PTGER3: variants seen among roughly 807,000 people sequenced by gnomAD.
PTGER3 encodes prostaglandin E2 receptor EP3 subtype.
PTGER3 carries 22 observed loss-of-function variants against 34.7 expected under a neutral mutation model. The observed-to-expected ratio is 0.63, with a 90% confidence interval of 0.45 to 0.91. PTGER3 has a LOEUF of 0.91. PTGER3 is among the 40% of genes least tolerant of loss of function. The pLI, the probability that PTGER3 is intolerant of heterozygous loss-of-function variation, is 0.00. For missense variants in PTGER3, 468 were observed against 519.4 expected (o/e 0.90, Z 0.96); for synonymous variants, 241 against 230.1 (o/e 1.05, Z -0.43).
At chr1:70,972,273 A>G (rs1572809885) in intron 3 of PTGER3, among the ~76,000 whole-genome samples, 1 of 152,268 alleles carries the variant, frequency 6.6e-6, no homozygotes, top group South Asian at 2.1e-4. Flanking sequence ...CAGTGAGCCG[A>G]GATCATGCCA....
downstream of PTGER3, chr1:70,951,578 G>T (rs1245564259): frequency 1.3e-5 from 2 of 152,310 alleles, no homozygotes; most frequent in East Asian, 3.9e-4. Context: ...GAAGGAGATT[G>T]ATTGGGCAGC....
Position 70,868,463 on chromosome 1 carries a change from G to A in PTGER3, c.*24-15604C>T, listed in dbSNP as rs75422957. ...TGTTTATTATTTACAAGCTCACACT[G>A]AGTTCTCCTGGAGGTGGGCACAAAG... On this transcript the variant is annotated intron_variant, in intron 4 of 4. Coordinates refer to the PTGER3 transcript ENST00000370931. Among the ~76,000 whole-genome samples, 59 of 152,266 alleles carry A rather than the reference G, an allele frequency of 3.9e-4. 1 individual carries two copies. In the East Asian group the frequency reaches 0.011, roughly 27 times the overall value.
intron 2 of PTGER3, chr1:71,008,262 A>C: frequency 1.1e-6 from 1 of 917,708 alleles, no homozygotes; most frequent in South Asian, 5.0e-5. Flanking sequence ...TTCTGAAAAT[A>C]AGATAATTTT....
At chr1:70,964,698 T>G (rs1652326240) in intron 2 of PTGER3, among the ~76,000 whole-genome samples, 1 of 152,164 alleles carries the variant, frequency 6.6e-6, no homozygotes, top group South Asian at 2.1e-4. Context: ...CCAAACCATA[T>G]CAAGCGGTTA....
intron 1 of PTGER3, among the ~76,000 whole-genome samples, chr1:71,024,559 G>T (rs1658711762): frequency 6.6e-6 from 1 of 151,608 alleles, no homozygotes; most frequent in African/African-American, 2.4e-5. Flanking sequence ...GAGAGCAAGG[G>T]TATAGTGCAT....
chr1:70,905,281 G>T (rs1342865249), intron 4 of PTGER3, among the ~76,000 whole-genome samples: 4 of 152,078 alleles, frequency 2.6e-5, no homozygotes, highest in African/African-American at 9.7e-5. Flanking sequence ...GAAACGTGGG[G>T]TCAGAGCACC....
intron 2 of PTGER3, among the ~76,000 whole-genome samples, chr1:70,963,735 G>T (rs565479030): frequency 9.9e-5 from 15 of 152,230 alleles, no homozygotes; most frequent in African/African-American, 2.9e-4. Context: ...TACCAGGAAG[G>T]TCTCCAACAT....
chr1:70,956,526 A>G (rs1198712349), intron 2 of PTGER3, among the ~76,000 whole-genome samples: 1 of 152,186 alleles, frequency 6.6e-6, no homozygotes, highest in Admixed American at 6.5e-5. Flanking sequence ...TTTTACTGGC[A>G]CAACGTAAAG....
intron 2 of PTGER3, among the ~76,000 whole-genome samples, chr1:70,958,918 A>G (rs1041197932): frequency 3.3e-5 from 5 of 152,154 alleles, no homozygotes; most frequent in Admixed American, 1.3e-4. Context: ...TTTCAGCACC[A>G]TTTATTGAAG....
intron 4 of PTGER3, among the ~76,000 whole-genome samples, chr1:70,870,130 C>G (rs934237434): frequency 6.6e-6 from 1 of 152,172 alleles, no homozygotes; most frequent in Non-Finnish European, 1.5e-5. Flanking sequence ...CACTCTTGCA[C>G]TCTGTATACC....
exon 4 of PTGER3, chr1:70,952,815 G>T: frequency 2.1e-6 from 3 of 1,411,376 alleles, no homozygotes; most frequent in Non-Finnish European, 2.8e-6. Flanking sequence ...CACATGGAAA[G>T]TGCTCAAAAT....
chr1:70,960,175 A>G (rs1360227727), intron 2 of PTGER3, among the ~76,000 whole-genome samples: 2 of 152,132 alleles, frequency 1.3e-5, no homozygotes, highest in Non-Finnish European at 2.9e-5. Flanking sequence ...TTGATCCTGG[A>G]CTTCCAGCCT....
intron 4 of PTGER3, among the ~76,000 whole-genome samples, chr1:70,863,773 A>G (rs17131465): frequency 0.16 from 24,320 of 152,068 alleles, 2,431 homozygotes; most frequent in African/African-American, 0.29. Context: ...GAACGAAGGT[A>G]GAAAGGTAGG....
downstream of PTGER3, among the ~76,000 whole-genome samples, chr1:70,966,740 G>T (rs745912115): frequency 6.6e-6 from 1 of 152,046 alleles, no homozygotes; most frequent in African/African-American, 2.4e-5. Context: ...GAGGATGGTG[G>T]CTTCCAGCTT....
At chr1:71,007,070 A>G in intron 2 of PTGER3, 1 of 985,158 alleles carries the variant, frequency 1.0e-6, no homozygotes, top group Non-Finnish European at 1.2e-6. Context: ...ACTACCCATA[A>G]AACTTTACAT....
At chr1:71,022,557 A>G (rs980207777) in intron 1 of PTGER3, among the ~76,000 whole-genome samples, 1 of 151,890 alleles carries the variant, frequency 6.6e-6, no homozygotes, top group African/African-American at 2.4e-5. Context: ...TTTTAAATCT[A>G]TTAAGACTTC....
At chr1:70,981,367 CTTTCTTTCTTTCTTTCT>C (rs1654309920) in intron 2 of PTGER3, among the ~76,000 whole-genome samples, 3 of 99,214 alleles carry the variant, frequency 3.0e-5, no homozygotes, top group Non-Finnish European at 6.0e-5. Flanking sequence ...TTCTTTCTTT[CTTTCTTTCTTTCTTTCT>C]TTCTTTCTTT....
At chr1:70,990,465 CATAT>C (rs909362136) in intron 2 of PTGER3, among the ~76,000 whole-genome samples, 1 of 146,182 alleles carries the variant, frequency 6.8e-6, no homozygotes, top group Non-Finnish European at 1.5e-5. Flanking sequence ...ATATATTATA[CATAT>C]ATATACACAT....
At chr1:70,927,528 C>G (rs1572670651) in intron 4 of PTGER3, among the ~76,000 whole-genome samples, 1 of 152,208 alleles carries the variant, frequency 6.6e-6, no homozygotes, top group East Asian at 1.9e-4. Flanking sequence ...AACTACATAA[C>G]ATAAAAATGA....
Sources: allele counts gnomAD v4.1 joint callset (sites outside exome capture counted in the v4.1 genomes callset), GRCh38; gene constraint gnomAD v4.1.1; transcripts MANE v1.5; gene names NCBI Gene and HGNC (gene_info 2026-07-23, HGNC 2026-07-21).